The following GALNT8 variants were observed in gnomAD, a reference collection of about 807,000 sequenced individuals.
GALNT8 encodes polypeptide N-acetylgalactosaminyltransferase 8.
A neutral mutation model predicts 62.7 loss-of-function variants in GALNT8; 66 were observed. The observed-to-expected ratio is 1.05, with a 90% CI of 0.86 to 1.29. GALNT8 has a LOEUF of 1.29. GALNT8 is among the 50% of genes most tolerant of loss of function. The pLI is 0.00. For synonymous variants in GALNT8, 288 were observed against 294.3 expected (o/e 0.98, Z 0.22); for missense variants, 771 against 791.8 (o/e 0.97, Z 0.32).
At chr12:4,742,763 G>T (rs1946277799) in intron 3 of GALNT8, among the ~76,000 whole-genome samples, 1 of 152,080 alleles carries the variant, frequency 6.6e-6, no homozygotes, top group Non-Finnish European at 1.5e-5. Context: ...CGAAGGAATG[G>T]TGTGAACAAA....
chr12:4,770,390 A>G (rs1156369139), intron 10 of GALNT8, among the ~76,000 whole-genome samples: 1 of 152,162 alleles, frequency 6.6e-6, no homozygotes, highest in African/African-American at 2.4e-5. Flanking sequence ...CACAATTTGA[A>G]AGAAACTAGA....
At chr12:4,737,465 C>T (rs983507023) in intron 2 of GALNT8, among the ~76,000 whole-genome samples, 24 of 152,184 alleles carry the variant, frequency 1.6e-4, no homozygotes, top group African/African-American at 5.1e-4. Context: ...AAAATCTCCT[C>T]CTGCCTCTGG....
rs766119050 is a variant in GALNT8, at chr12:4,727,767, G to A, written c.509+938G>A. On this transcript the variant is annotated intron_variant, in intron 2 of 10. Coordinates refer to ENST00000252318, the MANE Select transcript of GALNT8 (RefSeq NM_017417.2). Reference sequence around the variant, plus strand: ...CGCATTTCCTTTATCCATTCATCAGGTGATGAACATTTGGATTGTTCCCAC... The same window carrying A: ...CGCATTTCCTTTATCCATTCATCAGATGATGAACATTTGGATTGTTCCCAC... Among the ~76,000 whole-genome samples, 166 of 152,192 alleles carry A rather than the reference G, an allele frequency of 1.1e-3. 1 individual carries two copies. The highest frequency in any genetic ancestry group is 4.3e-4 in the Non-Finnish European group (29 of 67,980).
chr12:4,721,272 G>A (rs1212177066), intron 1 of GALNT8, among the ~76,000 whole-genome samples: 4 of 152,092 alleles, frequency 2.6e-5, no homozygotes, highest in South Asian at 2.1e-4. Flanking sequence ...GGTGTTTCTC[G>A]TTAGGTGGAA....
intron 2 of GALNT8, among the ~76,000 whole-genome samples, chr12:4,730,644 G>A (rs146948564): frequency 3.3e-5 from 5 of 152,246 alleles, no homozygotes; most frequent in African/African-American, 7.2e-5. Context: ...GTCATGTAGT[G>A]TAATGTCTCC....
At chr12:4,725,419 G>A (rs1188126233) in intron 1 of GALNT8, among the ~76,000 whole-genome samples, 4 of 152,112 alleles carry the variant, frequency 2.6e-5, no homozygotes, top group African/African-American at 4.8e-5. Flanking sequence ...AGTGTTTCCC[G>A]AATTAATGTG....
At chr12:4,735,364 C>T (rs1048801510) in intron 2 of GALNT8, among the ~76,000 whole-genome samples, 7 of 151,984 alleles carry the variant, frequency 4.6e-5, no homozygotes, top group East Asian at 1.9e-4. Flanking sequence ...CCCTACCCAC[C>T]GTCAGCACTG....
chr12:4,761,541 G>T (rs764280580), intron 7 of GALNT8, among the ~76,000 whole-genome samples: 8 of 152,080 alleles, frequency 5.3e-5, no homozygotes, highest in Non-Finnish European at 1.0e-4. Flanking sequence ...AACATAGCAG[G>T]TATGATGTGG....
chr12:4,744,649 C>T lies in GALNT8; in HGVS notation c.809C>T (p.Thr270Ile), dbSNP rs1294531017. The T allele has an allele frequency of 6.2e-7, 1 of 1,613,612 alleles. No homozygotes were observed. The highest frequency in any genetic ancestry group is 8.5e-7 in the Non-Finnish European group (1 of 1,179,816). Reference protein sequence around the residue: ...QARNTGWEAATADVVAILDAH... With the variant: ...QARNTGWEAAIADVVAILDAH... ...CGCAACACTGGCTGGGAAGCTGCCA[C>T]AGCAGACGTGGTCGCCATCTTGGAT... Residue 270 changes from threonine (T) to isoleucine (I), a missense_variant, in exon 4 of 11, where the codon ACA (threonine) becomes ATA (isoleucine). By Grantham distance (89) the Thr-to-Ile change is moderately conservative (BLOSUM62 -1). Transcript: ENST00000252318.
chr12:4,730,483 G>A (rs929434664), intron 2 of GALNT8, among the ~76,000 whole-genome samples: 3 of 152,100 alleles, frequency 2.0e-5, no homozygotes, highest in African/African-American at 4.8e-5. Flanking sequence ...TCTTTCCATT[G>A]CGTTTTCTTG....
intron 6 of GALNT8, among the ~76,000 whole-genome samples, chr12:4,758,437 A>C (rs1946354720): frequency 6.6e-6 from 1 of 152,182 alleles, no homozygotes; most frequent in Non-Finnish European, 1.5e-5. Flanking sequence ...CCAGAACTGA[A>C]CATGTAACTT....
rs1482266268 is a variant in GALNT8 at position 4,749,859 on chromosome 12, A to G, written c.1173+3601A>G. On this transcript the variant is annotated intron_variant, in intron 6 of 10. Transcript: ENST00000252318. The surrounding 1 kb of genome is among the most constrained non-coding windows in gnomAD (Gnocchi z 4.1). ...CTCATTACTTGTTATTGTTCTGTTC[A>G]GGTTTGGGATATTTTTCCTGGTTCA... is the stretch of plus-strand genomic sequence containing the variant. 1.3e-5 allele frequency among the ~76,000 whole-genome samples: 2 copies of G among 151,942 alleles called. No homozygotes were observed. Among genetic ancestry groups the G allele is most frequent in the East Asian group, 3.9e-4 (2 of 5,184 alleles).
intron 3 of GALNT8, among the ~76,000 whole-genome samples, chr12:4,739,988 C>T (rs1946264607): frequency 6.6e-6 from 1 of 152,046 alleles, no homozygotes; most frequent in Admixed American, 6.6e-5. Context: ...TCTTATGCAC[C>T]ATGAAGAAGC....
intron 3 of GALNT8, among the ~76,000 whole-genome samples, chr12:4,742,168 T>C (rs890819779): frequency 2.4e-4 from 36 of 152,208 alleles, no homozygotes; most frequent in Non-Finnish European, 4.1e-4. Flanking sequence ...CCTGTTCCCA[T>C]TACATGCTAG....
At chr12:4,763,908 T>C (rs750625378) in intron 8 of GALNT8, 44 bp from the exon 9 acceptor site, 1 of 1,004,138 alleles carries the variant, frequency 1.0e-6, no homozygotes, top group South Asian at 1.3e-5. Flanking sequence ...CGCCTCATTC[T>C]CTGTCCTTTC....
At chr12:4,769,071 G>A (rs113674576) in intron 10 of GALNT8, among the ~76,000 whole-genome samples, 25 of 152,304 alleles carry the variant, frequency 1.6e-4, no homozygotes, top group African/African-American at 5.8e-4. Context: ...TGGACTTTAA[G>A]TTGAGGAGCA....
chr12:4,720,624 C>T lies in GALNT8; in HGVS notation c.-54C>T, dbSNP rs1368650097. The stretch of plus-strand genomic sequence containing the variant: ...TAGGCTGGTTCTGATTCTTAACCTG[C>T]TCCAGCAGTGACACACTCAGTCCCA... On this transcript the variant is annotated 5_prime_UTR_variant, in exon 1 of 11. Transcript: ENST00000252318. 2 of 1,136,360 alleles carry T rather than the reference C, an allele frequency of 1.8e-6. No individual in the cohort carries two copies. Among genetic ancestry groups the T allele is most frequent in the South Asian group, 1.2e-5 (1 of 81,462 alleles). The allele number at this position is 1,136,360 out of a possible 1,614,324, so 70.4% of individuals were successfully genotyped here.
chr12:4,726,870 G>A lies in GALNT8; in HGVS notation c.509+41G>A. On this transcript the variant is annotated intron_variant, in intron 2 of 10. Transcript: ENST00000252318. The surrounding 1 kb of genome is among the most constrained non-coding windows in gnomAD (Gnocchi z 4.1). The stretch of plus-strand genomic sequence containing the variant: ...CTTGGGCTTCTAGGGTCCTCAGTTT[G>A]ATTTGAGGATGAGCTTTGGGAGCAG... 6.6e-7 allele frequency: 1 copy of A among 1,516,238 alleles called. No individual in the cohort carries two copies. The highest frequency in any genetic ancestry group is 9.0e-7 in the Non-Finnish European group (1 of 1,113,388). The allele number at this position is 1,516,238 out of a possible 1,614,324, so 93.9% of individuals were successfully genotyped here.
At chr12:4,724,958 G>A (rs994342040) in intron 1 of GALNT8, among the ~76,000 whole-genome samples, 1 of 152,140 alleles carries the variant, frequency 6.6e-6, no homozygotes, top group Admixed American at 6.5e-5. Flanking sequence ...AAATTCACAC[G>A]ATGGGGCTGT....
Sources: gnomAD v4.1 joint callset for allele counts (sites outside exome capture counted in the v4.1 genomes callset) on GRCh38, gnomAD v4.1.1 for gene constraint, Gnocchi (gnomAD v3.1) non-coding constraint, MANE v1.5 for transcripts, NCBI Gene and HGNC (gene_info 2026-07-23, HGNC 2026-07-21) for gene names.